The following ADORA2B variants were observed in gnomAD, a reference collection of about 807,000 sequenced individuals.
ADORA2B encodes adenosine receptor A2b.
Under a neutral mutation model 20.8 loss-of-function variants are expected in ADORA2B, and 18 were observed. The observed-to-expected ratio is 0.87, with a 90% CI of 0.60 to 1.29. The LOEUF (loss-of-function observed/expected upper bound fraction) is 1.29, where lower values mean the gene tolerates loss of function less well. Ranked by LOEUF, ADORA2B falls within the 50% of genes most tolerant of loss-of-function variation. The probability of loss-of-function intolerance (pLI) is 0.00; values close to 1 mark genes in which losing one functional copy is unlikely to be tolerated. For synonymous variants in ADORA2B, 179 were observed against 178.3 expected (o/e 1.00, Z -0.03); for missense variants, 441 against 422.7 (o/e 1.04, Z -0.38).
chr17:15,975,332 T>C lies in ADORA2B; in HGVS notation c.989T>C (p.Val330Ala). 1 of 1,610,926 alleles carries C rather than the reference T, an allele frequency of 6.2e-7. No homozygotes were observed. Among genetic ancestry groups the C allele is most frequent in the Non-Finnish European group, 8.5e-7 (1 of 1,179,530 alleles). ...GQAGVQPALGVGL is the reference protein window; with the variant it reads ...GQAGVQPALGAGL ...GCTGGGGTACAGCCTGCTCTCGGTG[T>C]GGGCCTATGATCTAGGCTCTCGCCT... is the stretch of plus-strand genomic sequence containing the variant. Residue 330 changes from valine to alanine, a missense_variant, in exon 2 of 2, where the codon GTG becomes GCG. Transcript: ENST00000304222.
chr17:15,875,337 T>C, the ADORA2B span, among the ~76,000 whole-genome samples: 1 of 152,200 alleles, frequency 6.6e-6, no homozygotes, highest in African/African-American at 2.4e-5. Flanking sequence ...TTTCTAGTTT[T>C]TCATTTTAGA....
chr17:15,876,050 TGTTA>T, the ADORA2B span, among the ~76,000 whole-genome samples: 1 of 152,228 alleles, frequency 6.6e-6, no homozygotes, highest in Admixed American at 6.5e-5. Flanking sequence ...ACAGATTCCC[TGTTA>T]GTTCTTTGCC....
Position 15,974,704 on chromosome 17 carries a change from C to G in ADORA2B, c.361C>G (p.Arg121Gly). ...GTATAAAAGTTTGGTCACGGGGACCCGAGCAAGAGGGGTCATTGCTGTCCT... is the reference window on the plus strand; with the variant it reads ...GTATAAAAGTTTGGTCACGGGGACCGGAGCAAGAGGGGTCATTGCTGTCCT... ...LRYKSLVTGTRARGVIAVLWV... is the reference protein window; with the variant it reads ...LRYKSLVTGTGARGVIAVLWV... The change falls in exon 2 of 2, where the codon CGA becomes GGA. Residue 121 changes from arginine to glycine, a missense_variant. Arg to Gly is a moderately radical substitution (Grantham distance 125). Transcript: ENST00000304222. The G allele has an allele frequency of 6.2e-7, 1 of 1,613,530 alleles. No homozygotes were observed. Among genetic ancestry groups the G allele is most frequent in the South Asian group, 1.1e-5 (1 of 91,038 alleles).
chr17:15,945,922 G>C (rs1969799567), intron 1 of ADORA2B, among the ~76,000 whole-genome samples: 1 of 152,184 alleles, frequency 6.6e-6, no homozygotes, highest in Admixed American at 6.5e-5. Context: ...TGGGCGGGTG[G>C]AGCCCGGGGC....
At chr17:15,965,433 T>C (rs758601296) in intron 1 of ADORA2B, among the ~76,000 whole-genome samples, 7 of 152,154 alleles carry the variant, frequency 4.6e-5, no homozygotes, top group Non-Finnish European at 8.8e-5. Context: ...AGTTGTGTGG[T>C]AGGTACACGG....
chr17:15,893,520 TCCTC>T, the ADORA2B span, among the ~76,000 whole-genome samples: 1 of 146,670 alleles, frequency 6.8e-6, no homozygotes, highest in Non-Finnish European at 1.5e-5. Context: ...CTCCCTTTCT[TCCTC>T]CCTGCTGTAG....
the ADORA2B span, among the ~76,000 whole-genome samples, chr17:15,924,373 G>T: frequency 1.1e-4 from 17 of 152,234 alleles, no homozygotes; most frequent in Admixed American, 7.2e-4. Context: ...TGATGCATTT[G>T]GGATTTATCT....
the ADORA2B span, among the ~76,000 whole-genome samples, chr17:15,929,108 G>A: frequency 1.3e-5 from 2 of 152,176 alleles, no homozygotes; most frequent in Admixed American, 6.5e-5. Context: ...TTCTAGCAGA[G>A]TGAGAGAGTG....
At chr17:15,874,038 A>ATG in the ADORA2B span, among the ~76,000 whole-genome samples, 617 of 131,410 alleles carry the variant, frequency 4.7e-3, 10 homozygotes, top group African/African-American at 0.018. Context: ...CTGTATATAT[A>ATG]TGTGTATATA....
chr17:15,933,275 T>G, the ADORA2B span, among the ~76,000 whole-genome samples: 1 of 152,154 alleles, frequency 6.6e-6, no homozygotes, highest in African/African-American at 2.4e-5. Flanking sequence ...TTTTCAAGAT[T>G]GTTTTTGCTA....
At chr17:15,873,138 C>G in the ADORA2B span, among the ~76,000 whole-genome samples, 1 of 152,264 alleles carries the variant, frequency 6.6e-6, no homozygotes, top group South Asian at 2.1e-4. Flanking sequence ...GTTGAATGCT[C>G]TTTCCGCATC....
At chr17:15,916,461 C>T in the ADORA2B span, among the ~76,000 whole-genome samples, 33 of 149,418 alleles carry the variant, frequency 2.2e-4, no homozygotes, top group African/African-American at 8.0e-4. Flanking sequence ...ACTCCTGTCC[C>T]TTTTAGGGGC....
the ADORA2B span, among the ~76,000 whole-genome samples, chr17:15,933,602 A>G: frequency 1.3e-5 from 2 of 152,164 alleles, no homozygotes; most frequent in African/African-American, 4.8e-5. Flanking sequence ...ATTCATTGCT[A>G]TTGAGTAAAG....
At chr17:15,956,408 C>T (rs1390187339) in intron 1 of ADORA2B, among the ~76,000 whole-genome samples, 1 of 152,050 alleles carries the variant, frequency 6.6e-6, no homozygotes, top group Admixed American at 6.6e-5. Flanking sequence ...TTTTCTTAAT[C>T]CCATTCTGAT....
chr17:15,973,592 C>A (rs372818752), intron 1 of ADORA2B, among the ~76,000 whole-genome samples: 3 of 152,240 alleles, frequency 2.0e-5, no homozygotes, highest in Non-Finnish European at 4.4e-5. Flanking sequence ...GCATTCGATT[C>A]TCATAGGAGC....
intron 1 of ADORA2B, among the ~76,000 whole-genome samples, chr17:15,955,984 T>C (rs1969961316): frequency 6.6e-6 from 1 of 152,134 alleles, no homozygotes. Flanking sequence ...CCTCCATAAA[T>C]GCTGGGATTA....
the ADORA2B span, among the ~76,000 whole-genome samples, chr17:15,867,266 C>G: frequency 7.3e-5 from 11 of 151,662 alleles, no homozygotes; most frequent in Admixed American, 7.2e-4. Context: ...ATGTGAGGAG[C>G]CTCTCTGCCT....
chr17:15,901,997 C>T, the ADORA2B span, among the ~76,000 whole-genome samples: 3 of 152,066 alleles, frequency 2.0e-5, no homozygotes, highest in Admixed American at 6.6e-5. Flanking sequence ...CTTCTCAAAC[C>T]GGCACTCTGC....
the ADORA2B span, among the ~76,000 whole-genome samples, chr17:15,875,219 C>T: frequency 6.6e-6 from 1 of 152,218 alleles, no homozygotes; most frequent in Non-Finnish European, 1.5e-5. Flanking sequence ...GTCAGCCTGG[C>T]CTGAGAGCTC....
Sources: allele counts gnomAD v4.1 joint callset (sites outside exome capture counted in the v4.1 genomes callset), GRCh38; gene constraint gnomAD v4.1.1; transcripts MANE v1.5; gene names NCBI Gene and HGNC (gene_info 2026-07-23, HGNC 2026-07-21).